The following GSE1 variants were observed in gnomAD, a reference collection of about 807,000 sequenced individuals.
GSE1 encodes the protein genetic suppressor element 1.
A neutral mutation model predicts 112.6 loss-of-function variants in GSE1; 32 were observed. The ratio of observed to expected loss-of-function variants is 0.28; its 90% confidence interval spans 0.21 to 0.38. GSE1 has a LOEUF of 0.38. Ranked by LOEUF, GSE1 falls within the 10% of genes least tolerant of loss-of-function variation. The pLI, the probability that GSE1 is intolerant of heterozygous loss-of-function variation, is 1.00. For missense variants in GSE1, 2,348 were observed against 1,699.2 expected (o/e 1.38, Z -6.71); for synonymous variants, 1,115 against 735.6 (o/e 1.52, Z -8.35).
At chr16:85,314,260 A>C (rs1387820136) in intron 1 of GSE1, among the ~76,000 whole-genome samples, 1 of 152,062 alleles carries the variant, frequency 6.6e-6, no homozygotes, top group Admixed American at 6.5e-5. Flanking sequence ...AACCAGCCAG[A>C]CCCTACACAC....
intron 1 of GSE1, among the ~76,000 whole-genome samples, chr16:85,269,760 A>C (rs909948718): frequency 2.0e-5 from 3 of 149,422 alleles, no homozygotes; most frequent in African/African-American, 7.2e-5. Context: ...GGCACTCTGC[A>C]GCAGGTCTGC....
chr16:85,182,281 C>T (rs931230676), intron 1 of GSE1, among the ~76,000 whole-genome samples: 1 of 152,172 alleles, frequency 6.6e-6, no homozygotes, highest in African/African-American at 2.4e-5. Flanking sequence ...CCTGGTGGAC[C>T]CCAGGGCGTG....
chr16:85,623,941 G>C (rs778639957), intron 1 of GSE1, among the ~76,000 whole-genome samples: 2 of 152,194 alleles, frequency 1.3e-5, no homozygotes, highest in Non-Finnish European at 2.9e-5. Context: ...GATAGGTACT[G>C]GCACTCACTC....
chr16:85,291,790 G>T (rs2151440915), intron 1 of GSE1, among the ~76,000 whole-genome samples: 1 of 152,308 alleles, frequency 6.6e-6, no homozygotes, highest in East Asian at 1.9e-4. Flanking sequence ...TCTCCGTGGG[G>T]CCCATAACCT....
intron 1 of GSE1, among the ~76,000 whole-genome samples, chr16:85,310,565 A>T (rs577791685): frequency 1.0e-5 from 1 of 97,212 alleles, no homozygotes; most frequent in African/African-American, 4.1e-5. Context: ...TCACCTGCCC[A>T]CTGCCCTTGG....
intron 2 of GSE1, among the ~76,000 whole-genome samples, chr16:85,387,380 C>G (rs909607078): frequency 1.1e-4 from 17 of 152,342 alleles, no homozygotes; most frequent in Admixed American, 1.0e-3. Context: ...CTCAACCCCC[C>G]ACGCATGCTG....
In GSE1 at chr16:85,661,421, G is replaced by A. The variant is rs766219233; in HGVS notation, c.1916G>A (p.Arg639Gln). Reference protein sequence around the residue: ...FCPEKAEEGPRKREPAPLDKY... With the variant: ...FCPEKAEEGPQKREPAPLDKY... ...CCGGAGAAAGCAGAGGAGGGGCCACGGAAGCGTGAGCCTGCCCCTCTGGAC... is the reference window on the plus strand; with the variant it reads ...CCGGAGAAAGCAGAGGAGGGGCCACAGAAGCGTGAGCCTGCCCCTCTGGAC... The change falls in exon 9 of 16, where the codon CGG becomes CAG. Residue 639 changes from arginine (R) to glutamine (Q), a missense_variant. Coordinates refer to ENST00000253458, the MANE Select transcript of GSE1 (RefSeq NM_014615.5). 53 of 1,612,046 alleles carry A rather than the reference G, an allele frequency of 3.3e-5. No individual in the cohort carries two copies. Among genetic ancestry groups the A allele is most frequent in the Non-Finnish European group, 4.1e-5 (48 of 1,179,674 alleles).
chr16:85,415,119 C>A (rs1426675783), intron 2 of GSE1, among the ~76,000 whole-genome samples: 1 of 152,096 alleles, frequency 6.6e-6, no homozygotes, highest in African/African-American at 2.4e-5. Context: ...TTTGTATTTT[C>A]TGTAGAGACA....
At chr16:85,248,236 C>A (rs983999742) in intron 1 of GSE1, among the ~76,000 whole-genome samples, 3 of 152,190 alleles carry the variant, frequency 2.0e-5, no homozygotes, top group Non-Finnish European at 4.4e-5. Flanking sequence ...TACTCCGCCT[C>A]GGCCTCCCTC....
chr16:85,179,047 A>G (rs1456481798), intron 1 of GSE1, among the ~76,000 whole-genome samples: 1 of 152,082 alleles, frequency 6.6e-6, no homozygotes, highest in Admixed American at 6.5e-5. Flanking sequence ...GAAAGTGTAC[A>G]GTTCAGTGGG....
chr16:85,228,126 A>ATT (rs2075520400), intron 1 of GSE1, among the ~76,000 whole-genome samples: 1 of 152,208 alleles, frequency 6.6e-6, no homozygotes, highest in South Asian at 2.1e-4. Context: ...AGAGGCCCCG[A>ATT]GGCAGGAGTG....
At chr16:85,634,897 G>T (rs762326458) in intron 2 of GSE1, among the ~76,000 whole-genome samples, 1 of 152,264 alleles carries the variant, frequency 6.6e-6, no homozygotes, top group African/African-American at 2.4e-5. Flanking sequence ...GCTGCTGGGG[G>T]CCTTGGCCAT....
intron 1 of GSE1, among the ~76,000 whole-genome samples, chr16:85,203,667 CAG>C (rs2075067869): frequency 6.6e-6 from 1 of 152,248 alleles, no homozygotes; most frequent in African/African-American, 2.4e-5. Context: ...ACATGACTCA[CAG>C]AGCATACAAT....
rs1220227097 is a variant in GSE1 at position 85,187,799 on chromosome 16, C to T, written c.2283+15992C>T. On this transcript the variant is annotated intron_variant, in intron 1 of 2. Transcript: ENST00000637419. ...GACATGGAGCACGTGAAGCCATAGC[C>T]GAGGGCCCTTCCTGTGGTCCAGACT... is the stretch of plus-strand genomic sequence containing the variant. Among the ~76,000 whole-genome samples the T allele has an allele frequency of 3.3e-5, 5 of 152,204 alleles. No homozygotes were observed. The East Asian group carries it at 5.8e-4, about 18-fold the overall frequency.
At chr16:85,654,079 C>T (rs556757837) in intron 3 of GSE1, among the ~76,000 whole-genome samples, 199 bp from the exon 4 acceptor site, 6 of 152,164 alleles carry the variant, frequency 3.9e-5, no homozygotes, top group South Asian at 4.1e-4. Context: ...CCAGACCTGT[C>T]GCAGCCACAT....
chr16:85,276,398 A>C (rs879924914), intron 1 of GSE1, among the ~76,000 whole-genome samples: 5 of 152,236 alleles, frequency 3.3e-5, no homozygotes, highest in African/African-American at 9.6e-5. Flanking sequence ...TCTGGCTTAC[A>C]GCTTGGCCAG....
chr16:85,188,247 C>G (rs1362911426), intron 1 of GSE1, among the ~76,000 whole-genome samples: 1 of 146,754 alleles, frequency 6.8e-6, no homozygotes, highest in African/African-American at 2.5e-5. Context: ...GGGCAGCAGT[C>G]AGCGGGCACC....
At chr16:85,569,600 G>A (rs566681832) in intron 1 of GSE1, among the ~76,000 whole-genome samples, 8 of 152,332 alleles carry the variant, frequency 5.3e-5, no homozygotes, top group Admixed American at 2.0e-4. Flanking sequence ...CTGTGTGATC[G>A]TCATCATCAC....
intron 2 of GSE1, among the ~76,000 whole-genome samples, chr16:85,467,942 C>T (rs565759282): frequency 6.6e-6 from 1 of 152,280 alleles, no homozygotes; most frequent in South Asian, 2.1e-4. Context: ...GCATCGAAAG[C>T]TACACAGAGG....
Sources: allele counts gnomAD v4.1 joint callset (sites outside exome capture counted in the v4.1 genomes callset), GRCh38; gene constraint gnomAD v4.1.1; transcripts MANE v1.5; gene names NCBI Gene and HGNC (gene_info 2026-07-23, HGNC 2026-07-21).